ROBO2: variants seen among roughly 807,000 people sequenced by gnomAD.
The protein encoded by ROBO2 is roundabout guidance receptor 2.
ROBO2 carries 53 observed loss-of-function variants against 160.8 expected under a neutral mutation model. That is an observed-to-expected ratio of 0.33 (90% CI 0.26 to 0.41). ROBO2 has a LOEUF of 0.41. Among genes scored for constraint, ROBO2 ranks in the 10% least tolerant of loss-of-function variants. The pLI, the probability that ROBO2 is intolerant of heterozygous loss-of-function variation, is 1.00. For missense variants in ROBO2, 1,577 were observed against 1,722.4 expected, an observed-to-expected ratio of 0.92 and a Z score of 1.49; for synonymous variants, 664 against 611.7, an observed-to-expected ratio of 1.09 and a Z score of -1.26.
intron 2 of ROBO2, among the ~76,000 whole-genome samples, chr3:76,834,154 T>C (rs1390685745): frequency 7.4e-6 from 1 of 135,920 alleles, no homozygotes; most frequent in Non-Finnish European, 1.6e-5. Context: ...TTCCTTTCTT[T>C]CTCTCTCTTT....
At chr3:77,034,903 T>C (rs2149575592), upstream of ROBO2, among the ~76,000 whole-genome samples, 1 of 152,052 alleles carries the variant, frequency 6.6e-6, no homozygotes, top group African/African-American at 2.4e-5. Flanking sequence ...GAAAGTGTGG[T>C]GTAAAATTAG....
At chr3:77,629,456 T>C (rs1305967768) in intron 23 of ROBO2, 1 of 152,082 alleles carries the variant, frequency 6.6e-6, no homozygotes, top group Non-Finnish European at 1.5e-5. Flanking sequence ...AGGCTGGTTA[T>C]AGTGGAAAAA....
chr3:77,307,831 T>G (rs1258069257), intron 2 of ROBO2, among the ~76,000 whole-genome samples: 1 of 151,982 alleles, frequency 6.6e-6, no homozygotes, highest in Non-Finnish European at 1.5e-5. Flanking sequence ...TGCAGTGAGC[T>G]AAGATCACAC....
At chr3:76,605,232 C>A (rs2087552787) in intron 2 of ROBO2, among the ~76,000 whole-genome samples, 1 of 151,994 alleles carries the variant, frequency 6.6e-6, no homozygotes, top group African/African-American at 2.4e-5. Flanking sequence ...TTATTTTTAT[C>A]CTCTTCAATA....
chr3:76,197,079 A>G (rs774465605), intron 2 of ROBO2, among the ~76,000 whole-genome samples: 2 of 152,192 alleles, frequency 1.3e-5, no homozygotes, highest in Non-Finnish European at 2.9e-5. Flanking sequence ...GACAACAAGG[A>G]CTTTCTCCTT....
intron 2 of ROBO2, among the ~76,000 whole-genome samples, chr3:76,348,839 A>C (rs149663029): frequency 6.6e-6 from 1 of 152,158 alleles, no homozygotes; most frequent in Non-Finnish European, 1.5e-5. Flanking sequence ...TGAATTAGCT[A>C]TATCATTGGA....
chr3:76,381,245 C>T (rs2076606873), intron 2 of ROBO2, among the ~76,000 whole-genome samples: 1 of 152,080 alleles, frequency 6.6e-6, no homozygotes, highest in African/African-American at 2.4e-5. Context: ...GGTTACTGAG[C>T]TCAGCCTAGG....
intron 2 of ROBO2, among the ~76,000 whole-genome samples, chr3:76,814,943 G>C (rs907491308): frequency 6.6e-6 from 1 of 151,976 alleles, no homozygotes; most frequent in Non-Finnish European, 1.5e-5. Context: ...TGAGGATTCC[G>C]ATAAGAAAAC....
In ROBO2 at chr3:76,353,971, C is replaced by T. The variant is rs114674412; in HGVS notation, c.109+416369C>T. Among the ~76,000 whole-genome samples, 866 of 151,792 alleles carry T rather than the reference C, an allele frequency of 5.7e-3. 6 individuals carry two copies. Among genetic ancestry groups the T allele is most frequent in the African/African-American group, 0.02 (820 of 41,426 alleles). On this transcript the variant is annotated intron_variant, in intron 2 of 26. Transcript: ENST00000487694. Reference sequence around the variant, plus strand: ...AAAGCAAATTTATTACAGTCGGAGACGAAGAACAGTTAACTAAAAATGATC... The same window carrying T: ...AAAGCAAATTTATTACAGTCGGAGATGAAGAACAGTTAACTAAAAATGATC...
intron 2 of ROBO2, among the ~76,000 whole-genome samples, chr3:76,611,365 T>C (rs1173423862): frequency 6.6e-6 from 1 of 152,184 alleles, no homozygotes; most frequent in African/African-American, 2.4e-5. Context: ...TCTTTAAATA[T>C]TTGGTAAAAT....
chr3:77,126,883 G>A (rs1353917498), intron 2 of ROBO2, among the ~76,000 whole-genome samples: 1 of 149,250 alleles, frequency 6.7e-6, no homozygotes, highest in Non-Finnish European at 1.5e-5. Context: ...CCGCCTCCCG[G>A]GTTCACGCCA....
At chr3:77,634,279 C>T (rs1437652629) in intron 23 of ROBO2, 1 of 158,624 alleles carries the variant, frequency 6.3e-6, no homozygotes, top group Non-Finnish European at 1.4e-5. Context: ...CTGCTATCCT[C>T]TACACAGATG....
At chr3:76,085,538 G>A (rs1188588908) in intron 2 of ROBO2, among the ~76,000 whole-genome samples, 1 of 151,972 alleles carries the variant, frequency 6.6e-6, no homozygotes, top group African/African-American at 2.4e-5. Context: ...AGAGCTTAGC[G>A]GTCACCACTT....
intron 2 of ROBO2, among the ~76,000 whole-genome samples, chr3:77,357,315 C>A (rs1408773441): frequency 6.6e-6 from 1 of 152,060 alleles, no homozygotes; most frequent in Non-Finnish European, 1.5e-5. Flanking sequence ...GGAGTGGGTT[C>A]CTTATCTCAT....
chr3:76,254,838 T>C (rs973195543), intron 2 of ROBO2, among the ~76,000 whole-genome samples: 34 of 152,062 alleles, frequency 2.2e-4, no homozygotes, highest in African/African-American at 6.8e-4. Flanking sequence ...TATTATATTA[T>C]AATTTTGCAA....
intron 2 of ROBO2, among the ~76,000 whole-genome samples, chr3:76,616,772 C>T (rs1425285769): frequency 6.6e-6 from 1 of 152,112 alleles, no homozygotes; most frequent in African/African-American, 2.4e-5. Context: ...GAGACAGGCC[C>T]TTGCTATGTT....
At chr3:76,745,685 G>A (rs1336016113) in intron 2 of ROBO2, among the ~76,000 whole-genome samples, 2 of 151,782 alleles carry the variant, frequency 1.3e-5, no homozygotes, top group Non-Finnish European at 1.5e-5. Context: ...TTATATATTG[G>A]AGGACAGCTA....
At position 77,099,071 on chromosome 3, in the gene ROBO2, C is replaced by CTTTTTT. The variant is rs750626067; in HGVS notation, c.388+744_388+749dup. On this transcript the variant is annotated intron_variant, in intron 2 of 25. Coordinates refer to ENST00000461745, the Ensembl canonical transcript of ROBO2. ...AACAAAATTGTACTTTTCTTTCTTT[C>CTTTTTT]TTTTTTTTTTTTTTTTTTGAGACAG... is the stretch of plus-strand genomic sequence containing the variant. Among the ~76,000 whole-genome samples the CTTTTTT allele has an allele frequency of 4.1e-4, 50 of 121,246 alleles. No individual in the cohort carries two copies. The East Asian group carries it at 4.2e-3, about 10-fold the overall frequency. The allele number at this position is 121,246 out of a possible 152,430, so 79.5% of individuals were successfully genotyped here.
At chr3:76,763,984 A>G (rs566885059) in intron 2 of ROBO2, among the ~76,000 whole-genome samples, 5 of 151,880 alleles carry the variant, frequency 3.3e-5, no homozygotes, top group African/African-American at 1.2e-4. Flanking sequence ...CTGCATATTT[A>G]TTCCAACTTT....
Sources: allele counts gnomAD v4.1 joint callset (sites outside exome capture counted in the v4.1 genomes callset), GRCh38; gene constraint gnomAD v4.1.1; transcripts MANE v1.5; gene names NCBI Gene and HGNC (gene_info 2026-07-23, HGNC 2026-07-21).